Variants in IHO1 observed in about 807,000 individuals in gnomAD.
IHO1 encodes interactor of HORMAD1 protein 1.
In IHO1, 13 loss-of-function variants were observed where a neutral mutation model predicts 31.0. The ratio of observed to expected loss-of-function variants is 0.42; its 90% CI spans 0.27 to 0.67. IHO1 has a LOEUF of 0.67. Ranked by LOEUF, IHO1 falls within the 30% of genes least tolerant of loss-of-function variation. The pLI is 0.24. For synonymous variants in IHO1, 221 were observed against 248.4 expected (o/e 0.89, Z 1.04); for missense variants, 599 against 687.5 (o/e 0.87, Z 1.44).
intron 5 of IHO1, 97 bp downstream of exon 5, chr3:49,244,549 A>G: frequency 7.6e-7 from 1 of 1,309,570 alleles, no homozygotes; most frequent in Non-Finnish European, 1.1e-6. Flanking sequence ...GAATAGCAAT[A>G]TTTTAACTAT....
intron 2 of IHO1, among the ~76,000 whole-genome samples, chr3:49,214,223 C>T (rs538557150): frequency 5.3e-5 from 8 of 151,988 alleles, no homozygotes; most frequent in Non-Finnish European, 7.4e-5. Flanking sequence ...GGAGCAAAAT[C>T]GAGATGATGT....
chr3:49,248,604 A>C (rs2046724602), intron 6 of IHO1, among the ~76,000 whole-genome samples: 1 of 151,838 alleles, frequency 6.6e-6, no homozygotes, highest in African/African-American at 2.4e-5. Flanking sequence ...GTGCTGGTGC[A>C]GGCCTTTAAT....
At chr3:49,198,033 G>T (rs868166576), upstream of IHO1, among the ~76,000 whole-genome samples, 1 of 152,190 alleles carries the variant, frequency 6.6e-6, no homozygotes, top group African/African-American at 2.4e-5. Context: ...GCATTTTCTC[G>T]AATTTTATAT....
rs2046831894 is a variant in IHO1, at chr3:49,256,827, C to T, written c.1330C>T (p.Gln444Ter). The T allele has an allele frequency of 6.2e-7, 1 of 1,614,228 alleles. No homozygotes were observed. Among genetic ancestry groups the T allele is most frequent in the Non-Finnish European group, 8.5e-7 (1 of 1,180,044 alleles). ...VEMRGKDKKQQPRKAHRAHRG... is the reference protein window; with the variant it reads ...VEMRGKDKKQ ...AATGCGGGGGAAAGACAAGAAGCAG[C>T]AGCCCAGGAAGGCCCACAGGGCCCA... is the stretch of plus-strand genomic sequence containing the variant. The change falls in exon 8 of 8, where the codon CAG (glutamine) becomes TAG (stop). Residue 444 changes from glutamine (Q) to a stop codon, truncating the protein, a stop_gained. Transcript: ENST00000452691. LOFTEE classifies it low-confidence loss of function (END_TRUNC). The surrounding 1 kb of genome is among the most constrained non-coding windows in gnomAD (Gnocchi z 4.6).
chr3:49,194,292 GTATATATATATATA>G (rs141683116), upstream of IHO1, among the ~76,000 whole-genome samples: 88 of 120,176 alleles, frequency 7.3e-4, no homozygotes, highest in African/African-American at 2.8e-3. Flanking sequence ...AGTACAAAGT[GTATATATATATATA>G]TATATATATA....
At chr3:49,203,204 T>C (rs1171883136) in intron 1 of IHO1, among the ~76,000 whole-genome samples, 3 of 152,062 alleles carry the variant, frequency 2.0e-5, no homozygotes, top group Non-Finnish European at 2.9e-5. Flanking sequence ...TTGAAGGAGA[T>C]AGAGTTGTCT....
chr3:49,194,543 G>C (rs1477713400), upstream of IHO1, among the ~76,000 whole-genome samples: 1 of 146,348 alleles, frequency 6.8e-6, no homozygotes, highest in Non-Finnish European at 1.5e-5. Context: ...CACCCACCTC[G>C]GCCTCCCAAA....
At chr3:49,222,386 G>A (rs188768146) in intron 2 of IHO1, among the ~76,000 whole-genome samples, 4 of 152,234 alleles carry the variant, frequency 2.6e-5, no homozygotes, top group East Asian at 3.9e-4. Flanking sequence ...GTCCAAGGAA[G>A]CAGGAGGGAT....
upstream of IHO1, among the ~76,000 whole-genome samples, chr3:49,197,226 G>A (rs1336183148): frequency 1.3e-5 from 2 of 148,972 alleles, no homozygotes; most frequent in Non-Finnish European, 3.0e-5. Flanking sequence ...TCCTGACCTC[G>A]TGATCTGCCC....
the IHO1 span, among the ~76,000 whole-genome samples, chr3:49,192,510 G>A: frequency 2.0e-5 from 3 of 152,138 alleles, no homozygotes; most frequent in African/African-American, 7.2e-5. Context: ...CCAAGACCCT[G>A]CTAGTGTCAA....
intron 2 of IHO1, among the ~76,000 whole-genome samples, chr3:49,233,652 C>T (rs2046509845): frequency 6.6e-6 from 1 of 152,126 alleles, no homozygotes; most frequent in Non-Finnish European, 1.5e-5. Flanking sequence ...ACAAAGCTAC[C>T]TTTGCTTTTA....
intron 2 of IHO1, among the ~76,000 whole-genome samples, chr3:49,231,759 C>T (rs35120101): frequency 7.9e-4 from 121 of 152,344 alleles, no homozygotes; most frequent in Non-Finnish European, 1.3e-3. Flanking sequence ...CTAGTTGCTA[C>T]TGCAATATCT....
At chr3:49,203,827 A>G (rs1006696511) in intron 1 of IHO1, among the ~76,000 whole-genome samples, 1 of 152,142 alleles carries the variant, frequency 6.6e-6, no homozygotes, top group African/African-American at 2.4e-5. Flanking sequence ...TGTGAGACTA[A>G]GAAAAGGGAA....
chr3:49,248,187 C>T (rs1423864095), intron 6 of IHO1, among the ~76,000 whole-genome samples: 1 of 151,178 alleles, frequency 6.6e-6, no homozygotes, highest in Non-Finnish European at 1.5e-5. Flanking sequence ...CTTTGGGAGG[C>T]CAAGGCGGGC....
the IHO1 span, chr3:49,191,737 A>C: frequency 6.3e-7 from 1 of 1,589,612 alleles, no homozygotes; most frequent in East Asian, 2.2e-5. Flanking sequence ...CATAAAGTGC[A>C]CTCTTACCCA....
rs372514148 is a variant in IHO1, at chr3:49,256,807, G to C, written c.1310G>C (p.Arg437Pro). 1.2e-6 allele frequency: 2 copies of C among 1,614,118 alleles called. No individual in the cohort carries two copies. The highest frequency in any genetic ancestry group is 2.7e-5 in the African/African-American group (2 of 74,942). The change falls in exon 8 of 8, where the codon CGG (arginine) becomes CCG (proline). Residue 437 changes from arginine to proline, a missense_variant. Transcript: ENST00000452691. This position sits in a 1 kb window ranked among gnomAD's most constrained non-coding sequence, Gnocchi z 4.6. ...CAGAAAGATGGGACTGTAGAAATGC[G>C]GGGGAAAGACAAGAAGCAGCAGCCC... ...IKQKDGTVEM[R>P]GKDKKQQPRK... is the part of the protein sequence containing the mutation.
intron 2 of IHO1, among the ~76,000 whole-genome samples, chr3:49,218,064 G>C (rs2046310241): frequency 6.6e-6 from 1 of 152,132 alleles, no homozygotes; most frequent in Non-Finnish European, 1.5e-5. Context: ...TCTCACACTG[G>C]CTTTCTTATT....
At chr3:49,233,710 A>G (rs1260656839) in intron 2 of IHO1, among the ~76,000 whole-genome samples, 1 of 152,242 alleles carries the variant, frequency 6.6e-6, no homozygotes, top group Non-Finnish European at 1.5e-5. Flanking sequence ...CAGGCCCCCA[A>G]ATCTGGCCAT....
intron 1 of IHO1, among the ~76,000 whole-genome samples, chr3:49,210,381 C>G (rs2046194029): frequency 6.6e-6 from 1 of 151,886 alleles, no homozygotes; most frequent in Non-Finnish European, 1.5e-5. Context: ...GGACTATAGG[C>G]TTGTGCCACC....
Sources: gnomAD v4.1 joint callset for allele counts (sites outside exome capture counted in the v4.1 genomes callset) on GRCh38, gnomAD v4.1.1 for gene constraint, Gnocchi (gnomAD v3.1) non-coding constraint, MANE v1.5 for transcripts, NCBI Gene and HGNC (gene_info 2026-07-23, HGNC 2026-07-21) for gene names.